The following KCNK13 variants were observed in gnomAD, a reference collection of about 807,000 sequenced individuals.
KCNK13 encodes the protein potassium two pore domain channel subfamily K member 13, also known as potassium channel subfamily K member 13.
A neutral mutation model predicts 23.4 loss-of-function variants in KCNK13; 12 were observed. That is an observed-to-expected ratio of 0.51 (90% CI 0.33 to 0.83). KCNK13 has a LOEUF of 0.83. Among genes scored for constraint, KCNK13 ranks in the 40% least tolerant of loss-of-function variants. The pLI is 0.02. For synonymous variants in KCNK13, 231 were observed against 229.5 expected (o/e 1.01, Z -0.06); for missense variants, 463 against 556.3 (o/e 0.83, Z 1.69).
At chr14:90,090,565 T>G (rs1218340085) in intron 1 of KCNK13, among the ~76,000 whole-genome samples, 1 of 152,224 alleles carries the variant, frequency 6.6e-6, no homozygotes, top group Non-Finnish European at 1.5e-5. Flanking sequence ...TCTGGGGGAC[T>G]GTTGGCAAGG....
chr14:90,176,527 A>G (rs946127261), intron 1 of KCNK13, among the ~76,000 whole-genome samples: 5 of 152,088 alleles, frequency 3.3e-5, no homozygotes, highest in Non-Finnish European at 7.4e-5. Context: ...AAAGTCTGCC[A>G]ATTCTTTTGT....
chr14:90,167,516 T>G (rs1038211499), intron 1 of KCNK13, among the ~76,000 whole-genome samples: 4 of 152,210 alleles, frequency 2.6e-5, no homozygotes, highest in Non-Finnish European at 5.9e-5. Context: ...TGCAGGGAAC[T>G]GGATTCAATC....
chr14:90,163,462 G>T (rs1449232015), intron 1 of KCNK13, among the ~76,000 whole-genome samples: 1 of 152,170 alleles, frequency 6.6e-6, no homozygotes, highest in Admixed American at 6.5e-5. Context: ...CCTTCTGTCT[G>T]CCTCTGTAGC....
chr14:90,115,191 T>C (rs558828044), intron 1 of KCNK13, among the ~76,000 whole-genome samples: 1 of 143,322 alleles, frequency 7.0e-6, no homozygotes, highest in South Asian at 2.3e-4. Flanking sequence ...TGGGGTTTTG[T>C]TGGTTGGTTT....
chr14:90,126,230 C>T (rs1380875186), intron 1 of KCNK13, among the ~76,000 whole-genome samples: 1 of 152,074 alleles, frequency 6.6e-6, no homozygotes, highest in African/African-American at 2.4e-5. Flanking sequence ...ATTTCACCCT[C>T]AAGGAAGTGG....
Position 90,185,211 on chromosome 14 carries a change from T to C in KCNK13, c.*208T>C, listed in dbSNP as rs1460101163. 4.1e-6 allele frequency: 2 copies of C among 492,794 alleles called. No individual in the cohort carries two copies. Among genetic ancestry groups the C allele is most frequent in the Non-Finnish European group, 7.1e-6 (2 of 280,914 alleles). 30.5% of individuals were successfully genotyped at this position (492,794 alleles called of 1,614,324 possible). A position where few individuals can be genotyped will look rare whatever the true frequency, so the allele number is the denominator to read the frequency against. ...GCCTGAAGCCTCGATGCTTGTCTCC[T>C]GATCCTTATTCTTTAAGTCTAAATT... is the stretch of plus-strand genomic sequence containing the variant. On this transcript the variant is annotated 3_prime_UTR_variant, in exon 2 of 2. Transcript: ENST00000282146.
chr14:90,099,465 G>T (rs1054471403), intron 1 of KCNK13, among the ~76,000 whole-genome samples: 3 of 152,164 alleles, frequency 2.0e-5, no homozygotes, highest in Non-Finnish European at 4.4e-5. Flanking sequence ...AAAATTCCAA[G>T]AGAAATAGAA....
At chr14:90,151,376 C>G (rs1006587395) in intron 1 of KCNK13, among the ~76,000 whole-genome samples, 1 of 152,128 alleles carries the variant, frequency 6.6e-6, no homozygotes, top group Non-Finnish European at 1.5e-5. Flanking sequence ...TTGCATTTCC[C>G]TGATGATTAG....
chr14:90,155,518 G>A (rs1006252395), intron 1 of KCNK13, among the ~76,000 whole-genome samples: 1 of 152,168 alleles, frequency 6.6e-6, no homozygotes, highest in Non-Finnish European at 1.5e-5. Flanking sequence ...AAGGATAGCT[G>A]CAGAGGGACC....
intron 1 of KCNK13, among the ~76,000 whole-genome samples, chr14:90,169,642 G>C (rs184744203): frequency 1.1e-4 from 17 of 152,174 alleles, no homozygotes; most frequent in Non-Finnish European, 2.5e-4. Flanking sequence ...ATCTGCAGAC[G>C]GGCTCTCAGT....
rs559943220 is a variant in KCNK13, at chr14:90,117,490, C to T, written c.334+54951C>T. 3.5e-3 allele frequency among the ~76,000 whole-genome samples: 524 copies of T among 151,832 alleles called. 4 individuals are homozygous for T. The highest frequency in any genetic ancestry group is 5.6e-3 in the Non-Finnish European group (382 of 67,942). ...CTGTAGTCCCAGCTACTCGGGAGAC[C>T]GAGGCAAGAGAATCACTTGAACCCA... On this transcript the variant is annotated intron_variant, in intron 1 of 1. Coordinates refer to ENST00000282146, the MANE Select transcript of KCNK13 (RefSeq NM_022054.4).
At chr14:90,069,758 C>T (rs1445869630) in intron 1 of KCNK13, among the ~76,000 whole-genome samples, 3 of 152,072 alleles carry the variant, frequency 2.0e-5, no homozygotes, top group African/African-American at 7.2e-5. Flanking sequence ...ATACATTGAA[C>T]ACTTCAGATG....
chr14:90,092,148 T>C (rs1889355446), intron 1 of KCNK13, among the ~76,000 whole-genome samples: 1 of 152,156 alleles, frequency 6.6e-6, no homozygotes, highest in African/African-American at 2.4e-5. Context: ...GGTCTCCATC[T>C]CCTGACCTCG....
intron 1 of KCNK13, among the ~76,000 whole-genome samples, chr14:90,100,450 C>T (rs941514657): frequency 6.6e-6 from 1 of 152,116 alleles, no homozygotes; most frequent in Non-Finnish European, 1.5e-5. Flanking sequence ...ATAAGGCCTA[C>T]TTCTGTTTGC....
At chr14:90,098,928 A>G (rs1157552388) in intron 1 of KCNK13, among the ~76,000 whole-genome samples, 1 of 151,994 alleles carries the variant, frequency 6.6e-6, no homozygotes, top group African/African-American at 2.4e-5. Flanking sequence ...AAATACAAAA[A>G]TTAGCCGGGC....
chr14:90,094,424 T>C (rs1342404376), intron 1 of KCNK13, among the ~76,000 whole-genome samples: 1 of 152,160 alleles, frequency 6.6e-6, no homozygotes, highest in African/African-American at 2.4e-5. Flanking sequence ...TTTCTTGTAA[T>C]CTATGAGTTA....
At chr14:90,080,255 A>T (rs911413628) in intron 1 of KCNK13, among the ~76,000 whole-genome samples, 6 of 152,074 alleles carry the variant, frequency 3.9e-5, no homozygotes, top group African/African-American at 1.4e-4. Context: ...GGAGTTCGAG[A>T]CCAGCCTGGC....
At chr14:90,096,099 T>C (rs1440954214) in intron 1 of KCNK13, among the ~76,000 whole-genome samples, 2 of 152,210 alleles carry the variant, frequency 1.3e-5, no homozygotes, top group African/African-American at 4.8e-5. Context: ...TCCAGGAACA[T>C]CCATGTGTTC....
intron 1 of KCNK13, among the ~76,000 whole-genome samples, chr14:90,126,173 G>C (rs1281338809): frequency 6.6e-6 from 1 of 152,064 alleles, no homozygotes; most frequent in Non-Finnish European, 1.5e-5. Flanking sequence ...AAATGGAATA[G>C]AAACAAATCT....
Sources: allele counts gnomAD v4.1 joint callset (sites outside exome capture counted in the v4.1 genomes callset), GRCh38; gene constraint gnomAD v4.1.1; transcripts MANE v1.5; gene names NCBI Gene and HGNC (gene_info 2026-07-23, HGNC 2026-07-21).